Variants in ANKFN1 observed in about 807,000 individuals in gnomAD.
The protein encoded by ANKFN1 is ankyrin repeat and fibronectin type-III domain-containing protein 1.
Under a neutral mutation model 108.7 loss-of-function variants are expected in ANKFN1, and 74 were observed. The observed-to-expected ratio is 0.68, with a 90% CI of 0.56 to 0.83. ANKFN1 has a LOEUF of 0.83. Among genes scored for constraint, ANKFN1 ranks in the 40% least tolerant of loss-of-function variants. The probability of loss-of-function intolerance (pLI) is 0.00; values close to 1 mark genes in which losing one functional copy is unlikely to be tolerated. For synonymous variants in ANKFN1, 547 were observed against 516.2 expected, an observed-to-expected ratio of 1.06 and a Z score of -0.81; for missense variants, 1,505 against 1,382.3, an observed-to-expected ratio of 1.09 and a Z score of -1.41.
At chr17:56,363,455 G>C (rs968646367) in intron 6 of ANKFN1, among the ~76,000 whole-genome samples, 1 of 152,114 alleles carries the variant, frequency 6.6e-6, no homozygotes, top group South Asian at 2.1e-4. Flanking sequence ...AAAAGGAAAC[G>C]CTTGTACACT....
At chr17:56,343,209 C>T (rs2046005942) in intron 4 of ANKFN1, among the ~76,000 whole-genome samples, 1 of 151,592 alleles carries the variant, frequency 6.6e-6, no homozygotes, top group Non-Finnish European at 1.5e-5. Context: ...AATTATTTAT[C>T]TTTCTTCATG....
chr17:56,268,334 G>A (rs914327452), intron 3 of ANKFN1, among the ~76,000 whole-genome samples: 2 of 152,010 alleles, frequency 1.3e-5, no homozygotes, highest in African/African-American at 4.8e-5. Flanking sequence ...ATGACCTTTG[G>A]GTAAATAATG....
chr17:56,406,462 C>A (rs913851658), intron 8 of ANKFN1, among the ~76,000 whole-genome samples: 1 of 152,012 alleles, frequency 6.6e-6, no homozygotes, highest in Non-Finnish European at 1.5e-5. Flanking sequence ...ATAAATTTCC[C>A]CAAAAGAGTC....
chr17:56,107,391 T>G (rs1292228064), intron 4 of ANKFN1, among the ~76,000 whole-genome samples: 1 of 152,160 alleles, frequency 6.6e-6, no homozygotes, highest in Non-Finnish European at 1.5e-5. Flanking sequence ...TCATTTAATC[T>G]GGATAGTTTT....
intron 4 of ANKFN1, among the ~76,000 whole-genome samples, chr17:56,077,213 A>G (rs2332569): frequency 0.7 from 106,448 of 152,070 alleles, 37,711 homozygotes; most frequent in Middle Eastern, 0.77. Flanking sequence ...GAATAGACAG[A>G]CTTCCCCACT....
chr17:56,413,179 G>A (rs374589118), intron 8 of ANKFN1, among the ~76,000 whole-genome samples: 20 of 151,934 alleles, frequency 1.3e-4, no homozygotes, highest in Non-Finnish European at 2.9e-4. Flanking sequence ...TATTCTTTCT[G>A]TGGCAATTGT....
chr17:56,051,596 G>A lies in ANKFN1; in HGVS notation c.288+5271G>A, dbSNP rs1239094121. On this transcript the variant is annotated intron_variant, in intron 4 of 12. Coordinates refer to the ANKFN1 transcript ENST00000635860. ...CAATTAGGCAGGAGAAGGAAATAAA[G>A]GGTATTCAATTAGGAAAAGAGGAAG... Among the ~76,000 whole-genome samples, 9 of 142,018 alleles carry A rather than the reference G, an allele frequency of 6.3e-5. No individual in the cohort carries two copies. The East Asian group carries it at 1.2e-3, about 19-fold the overall frequency. The allele number at this position is 142,018 out of a possible 152,430, so 93.2% of individuals were successfully genotyped here.
At chr17:56,341,878 C>T (rs188684702) in intron 4 of ANKFN1, among the ~76,000 whole-genome samples, 21 of 151,846 alleles carry the variant, frequency 1.4e-4, no homozygotes, top group Admixed American at 7.2e-4. Context: ...TCAGTAGGAA[C>T]GATACCAGCT....
rs1022649203 is a variant in ANKFN1 at position 56,182,762 on chromosome 17, G to T, written c.-71+29232G>T. On this transcript the variant is annotated intron_variant, in intron 1 of 20. Transcript: ENST00000682825. ...TCTATTGAAAGAAGATGCCATTCAT[G>T]ACATTTTTAGCTAGAGAATAGAAGT... 5.3e-5 allele frequency among the ~76,000 whole-genome samples: 8 copies of T among 152,206 alleles called. 1 individual carries two copies. The East Asian group carries it at 1.5e-3, about 29-fold the overall frequency.
At chr17:56,117,787 T>C (rs577590700) in intron 4 of ANKFN1, among the ~76,000 whole-genome samples, 1 of 152,288 alleles carries the variant, frequency 6.6e-6, no homozygotes, top group Non-Finnish European at 1.5e-5. Flanking sequence ...CAATGGTTTT[T>C]AATATATTCA....
chr17:56,407,891 TG>T (rs2047968193), intron 8 of ANKFN1, among the ~76,000 whole-genome samples: 1 of 152,022 alleles, frequency 6.6e-6, no homozygotes, highest in African/African-American at 2.4e-5. Context: ...AAGAGCTTTG[TG>T]TTAAGCACAA....
intron 5 of ANKFN1, among the ~76,000 whole-genome samples, chr17:56,352,353 T>A (rs1001552023): frequency 1.3e-5 from 2 of 152,204 alleles, no homozygotes; most frequent in Non-Finnish European, 2.9e-5. Context: ...TGATTTTTAA[T>A]GAGACTAAAA....
intron 1 of ANKFN1, among the ~76,000 whole-genome samples, chr17:56,193,588 A>G (rs1051366370): frequency 6.6e-6 from 1 of 152,088 alleles, no homozygotes; most frequent in Non-Finnish European, 1.5e-5. Flanking sequence ...TTTAAAAAAA[A>G]AAAAAAGAAT....
At chr17:56,428,337 T>G (rs2048639783) in intron 8 of ANKFN1, among the ~76,000 whole-genome samples, 1 of 150,746 alleles carries the variant, frequency 6.6e-6, no homozygotes, top group African/African-American at 2.4e-5. Context: ...TACTGTTAGC[T>G]CCAATAAACC....
chr17:56,098,013 C>T (rs1905565102), intron 4 of ANKFN1, among the ~76,000 whole-genome samples: 1 of 152,074 alleles, frequency 6.6e-6, no homozygotes, highest in Admixed American at 6.6e-5. Flanking sequence ...GGGAGCTTAT[C>T]CTGGATTCTT....
At chr17:56,428,461 T>C (rs1277582601) in intron 8 of ANKFN1, among the ~76,000 whole-genome samples, 5 of 150,514 alleles carry the variant, frequency 3.3e-5, no homozygotes, top group African/African-American at 9.8e-5. Context: ...GAGCTTTTTT[T>C]CTTTTTTTTT....
At chr17:56,420,238 C>A (rs779553183) in intron 8 of ANKFN1, among the ~76,000 whole-genome samples, 1 of 152,132 alleles carries the variant, frequency 6.6e-6, no homozygotes, top group East Asian at 1.9e-4. Flanking sequence ...AGAGAACCTG[C>A]TGACTTAGAG....
chr17:56,332,729 T>C (rs1452128251), intron 4 of ANKFN1, among the ~76,000 whole-genome samples: 3 of 152,110 alleles, frequency 2.0e-5, no homozygotes, highest in Non-Finnish European at 4.4e-5. Context: ...CTGTAGCTTC[T>C]TAGGGAGTTT....
intron 8 of ANKFN1, among the ~76,000 whole-genome samples, chr17:56,421,459 G>A (rs2048402639): frequency 6.6e-6 from 1 of 152,042 alleles, no homozygotes; most frequent in South Asian, 2.1e-4. Flanking sequence ...CAATGAATAG[G>A]GCACAAACCC....
Sources: allele counts gnomAD v4.1 joint callset (sites outside exome capture counted in the v4.1 genomes callset), GRCh38; gene constraint gnomAD v4.1.1; transcripts MANE v1.5; gene names NCBI Gene and HGNC (gene_info 2026-07-23, HGNC 2026-07-21).